BNC2: variants seen among roughly 807,000 people sequenced by gnomAD.
BNC2 encodes the protein basonuclin zinc finger protein 2.
BNC2 carries 20 observed loss-of-function variants against 76.3 expected under a neutral mutation model. That is an observed-to-expected ratio of 0.26 (90% CI 0.18 to 0.38). BNC2 has a LOEUF of 0.38. Ranked by LOEUF, BNC2 falls within the 10% of genes least tolerant of loss-of-function variation. The pLI, the probability that BNC2 is intolerant of heterozygous loss-of-function variation, is 1.00. For synonymous variants in BNC2, 582 were observed against 514.8 expected (o/e 1.13, Z -1.77); for missense variants, 1,382 against 1,399.8 (o/e 0.99, Z 0.20).
At chr9:16,802,838 G>A (rs982047062) in intron 1 of BNC2, among the ~76,000 whole-genome samples, 10 of 152,174 alleles carry the variant, frequency 6.6e-5, no homozygotes, top group African/African-American at 2.2e-4. Flanking sequence ...CAAGTATGAT[G>A]TTTTCCCTTC....
intron 3 of BNC2, among the ~76,000 whole-genome samples, chr9:16,607,710 C>CT (rs917693169): frequency 2.4e-4 from 36 of 152,222 alleles, no homozygotes; most frequent in African/African-American, 8.2e-4. Context: ...CATTTTAAGT[C>CT]TTTTTGAAAT....
At chr9:16,462,495 G>T (rs1457645834) in intron 5 of BNC2, among the ~76,000 whole-genome samples, 1 of 152,100 alleles carries the variant, frequency 6.6e-6, no homozygotes, top group African/African-American at 2.4e-5. Flanking sequence ...CTGGCAAAAT[G>T]ATTAACACGA....
chr9:16,661,981 A>G (rs532594443), intron 3 of BNC2, among the ~76,000 whole-genome samples: 1 of 152,332 alleles, frequency 6.6e-6, no homozygotes, highest in African/African-American at 2.4e-5. Flanking sequence ...CACACTAACA[A>G]TTGTCTTTAA....
At chr9:16,735,898 T>A (rs978412590) in intron 2 of BNC2, among the ~76,000 whole-genome samples, 2 of 151,980 alleles carry the variant, frequency 1.3e-5, no homozygotes, top group African/African-American at 4.8e-5. Flanking sequence ...TGGTTTAAAT[T>A]ACTGTCAGAA....
At chr9:16,538,828 T>C (rs903774208) in intron 5 of BNC2, among the ~76,000 whole-genome samples, 2 of 152,216 alleles carry the variant, frequency 1.3e-5, no homozygotes, top group Admixed American at 6.5e-5. Context: ...CCTTAAAGCA[T>C]TGACTTTTCA....
At chr9:16,486,394 G>A (rs1822165295) in intron 5 of BNC2, among the ~76,000 whole-genome samples, 1 of 152,162 alleles carries the variant, frequency 6.6e-6, no homozygotes. Flanking sequence ...TTGGTTAAAT[G>A]TTTAGGTTGG....
chr9:16,682,330 T>G (rs1790408750), intron 3 of BNC2, among the ~76,000 whole-genome samples: 1 of 150,530 alleles, frequency 6.6e-6, no homozygotes, highest in Non-Finnish European at 1.5e-5. Context: ...CCGTTCATAG[T>G]GATCGACAGA....
intron 5 of BNC2, among the ~76,000 whole-genome samples, chr9:16,442,834 G>A (rs922387945): frequency 6.6e-6 from 1 of 152,032 alleles, no homozygotes; most frequent in African/African-American, 2.4e-5. Flanking sequence ...AGCCGGGCAC[G>A]GTGACTCATG....
At chr9:16,585,647 T>C (rs1393301469) in intron 3 of BNC2, among the ~76,000 whole-genome samples, 2 of 152,218 alleles carry the variant, frequency 1.3e-5, no homozygotes, top group Non-Finnish European at 2.9e-5. Flanking sequence ...TTTGACATAC[T>C]ATTTATTCAC....
chr9:16,771,550 C>G (rs1371250889), intron 1 of BNC2, among the ~76,000 whole-genome samples: 1 of 152,136 alleles, frequency 6.6e-6, no homozygotes, highest in African/African-American at 2.4e-5. Context: ...GTTGGCTTGC[C>G]TAGCATATCC....
intron 1 of BNC2, among the ~76,000 whole-genome samples, chr9:16,760,421 C>T (rs767829567): frequency 4.6e-5 from 7 of 152,098 alleles, no homozygotes; most frequent in African/African-American, 1.2e-4. Flanking sequence ...AAGTTCAACC[C>T]TGCCAGACAA....
intron 5 of BNC2, among the ~76,000 whole-genome samples, chr9:16,462,735 T>G (rs530942983): frequency 6.6e-6 from 1 of 152,298 alleles, no homozygotes; most frequent in South Asian, 2.1e-4. Flanking sequence ...CAGATCATTT[T>G]CTCCATTCCT....
chr9:16,432,533 G>C (rs1820927671), intron 6 of BNC2, among the ~76,000 whole-genome samples: 1 of 152,176 alleles, frequency 6.6e-6, no homozygotes, highest in Admixed American at 6.5e-5. Flanking sequence ...ACTCCTCCAA[G>C]GTGTTCGAAT....
At chr9:16,476,815 C>T (rs1216199927) in intron 5 of BNC2, among the ~76,000 whole-genome samples, 1 of 152,104 alleles carries the variant, frequency 6.6e-6, no homozygotes, top group African/African-American at 2.4e-5. Flanking sequence ...TTTAATATTA[C>T]AAGGTGATCA....
At chr9:16,677,547 C>A (rs559637017) in intron 3 of BNC2, among the ~76,000 whole-genome samples, 2 of 134,452 alleles carry the variant, frequency 1.5e-5, no homozygotes, top group Non-Finnish European at 3.1e-5. Context: ...CACTCCAGCC[C>A]GGGGGACAAA....
At chr9:16,666,911 A>G (rs1319632406) in intron 3 of BNC2, among the ~76,000 whole-genome samples, 1 of 152,108 alleles carries the variant, frequency 6.6e-6, no homozygotes, top group Non-Finnish European at 1.5e-5. Context: ...TTTCTGCTTC[A>G]GTCTACAGTT....
chr9:16,611,279 A>G (rs768109922), intron 3 of BNC2, among the ~76,000 whole-genome samples: 4 of 152,168 alleles, frequency 2.6e-5, no homozygotes, highest in Non-Finnish European at 5.9e-5. Context: ...CCATCCAGCC[A>G]GAGTTTTTTC....
intron 3 of BNC2, among the ~76,000 whole-genome samples, chr9:16,628,449 G>C (rs1821062467): frequency 6.6e-6 from 1 of 152,120 alleles, no homozygotes; most frequent in African/African-American, 2.4e-5. Context: ...TCAATTAAAG[G>C]AAAACACCTC....
intron 6 of BNC2, among the ~76,000 whole-genome samples, chr9:16,423,234 C>T (rs966403409): frequency 3.3e-5 from 5 of 152,124 alleles, no homozygotes; most frequent in Non-Finnish European, 5.9e-5. Flanking sequence ...GGGAAGAATA[C>T]TCAATAACAA....
Sources: gnomAD v4.1 joint callset for allele counts (sites outside exome capture counted in the v4.1 genomes callset) on GRCh38, gnomAD v4.1.1 for gene constraint, MANE v1.5 for transcripts, NCBI Gene and HGNC (gene_info 2026-07-23, HGNC 2026-07-21) for gene names.